Variants in TAF3 observed in about 807,000 individuals in gnomAD.
The protein encoded by TAF3 is TATA-box binding protein associated factor 3, also known as transcription initiation factor TFIID subunit 3.
In TAF3, 7 loss-of-function variants were observed where a neutral mutation model predicts 80.6. The observed-to-expected ratio is 0.09, with a 90% confidence interval of 0.05 to 0.16. TAF3 has a LOEUF of 0.16. TAF3 is among the 10% of genes least tolerant of loss of function. The pLI, the probability that TAF3 is intolerant of heterozygous loss-of-function variation, is 1.00. For synonymous variants in TAF3, 444 were observed against 446.1 expected (o/e 1.00, Z 0.06); for missense variants, 921 against 1,140.2 (o/e 0.81, Z 2.77).
intron 5 of TAF3, among the ~76,000 whole-genome samples, chr10:8,011,041 A>G (rs1295868179): frequency 6.6e-6 from 1 of 152,166 alleles, no homozygotes; most frequent in African/African-American, 2.4e-5. Flanking sequence ...TTTGGATACT[A>G]TAGAATTAAA....
chr10:7,824,180 C>A, intron 1 of TAF3, 138 bp from the exon 2 acceptor site: 1 of 1,002,448 alleles, frequency 1.0e-6, no homozygotes, highest in Non-Finnish European at 1.4e-6. Flanking sequence ...TCTTTAAAAT[C>A]TATTAAATTC....
intron 2 of TAF3, among the ~76,000 whole-genome samples, chr10:7,950,079 A>G (rs1169560448): frequency 6.6e-6 from 1 of 152,166 alleles, no homozygotes; most frequent in Non-Finnish European, 1.5e-5. Context: ...ATTAGCCTGT[A>G]ATGGTGGTTT....
At chr10:7,905,917 G>A (rs961979121) in intron 2 of TAF3, among the ~76,000 whole-genome samples, 3 of 152,092 alleles carry the variant, frequency 2.0e-5, no homozygotes, top group South Asian at 4.1e-4. Flanking sequence ...TCTGCTTTAT[G>A]TATTTGTACT....
In TAF3 at chr10:7,964,183, C is replaced by T; in HGVS notation, c.673C>T (p.Pro225Ser). ...PLSSINTQKI[P>S]PMLSPVHVQD... is the part of the protein sequence containing the mutation. ...CAGCTCAATAAATACTCAAAAGATC[C>T]CACCAATGCTTTCTCCAGTCCATGT... The change falls in exon 3 of 7, where the codon CCA becomes TCA. Residue 225 changes from proline to serine, a missense_variant. Physicochemically the swap from Pro to Ser is moderately conservative, Grantham distance 74. Transcript: ENST00000344293. The surrounding 1 kb of genome is among the most constrained non-coding windows in gnomAD (Gnocchi z 4.1). 6.2e-7 allele frequency: 1 copy of T among 1,614,138 alleles called. No individual in the cohort carries two copies. Among genetic ancestry groups the T allele is most frequent in the Non-Finnish European group, 8.5e-7 (1 of 1,180,038 alleles).
At position 8,009,395 on chromosome 10, in the gene TAF3, T is replaced by G; in HGVS notation, c.2568+65T>G. ...TTCAGATCGAGACAAGTGTGTGCTC[T>G]GAATCACTATCGAATTTCAGACGCA... On this transcript the variant is annotated intron_variant, in intron 5 of 6. Coordinates refer to ENST00000344293, the MANE Select transcript of TAF3 (RefSeq NM_031923.4). This position sits in a 1 kb window ranked among gnomAD's most constrained non-coding sequence, Gnocchi z 4.1. The G allele has an allele frequency of 1.3e-6, 2 of 1,504,958 alleles. No homozygotes were observed. Among genetic ancestry groups the G allele is most frequent in the South Asian group, 1.2e-5 (1 of 81,724 alleles). 93.2% of individuals were successfully genotyped at this position (1,504,958 alleles called of 1,614,324 possible). A position where few individuals can be genotyped will look rare whatever the true frequency, so the allele number is the denominator to read the frequency against.
intron 2 of TAF3, among the ~76,000 whole-genome samples, chr10:7,904,879 C>T (rs529001326): frequency 6.6e-6 from 1 of 152,272 alleles, no homozygotes; most frequent in Non-Finnish European, 1.5e-5. Context: ...CTTTAGGCTG[C>T]ACACATGAAC....
At chr10:7,971,512 T>C (rs1260818147) in intron 3 of TAF3, among the ~76,000 whole-genome samples, 1 of 151,982 alleles carries the variant, frequency 6.6e-6, no homozygotes, top group African/African-American at 2.4e-5. Context: ...ATAAAAAACC[T>C]TGGACAGATT....
At chr10:7,867,207 C>T (rs1439799711) in intron 2 of TAF3, among the ~76,000 whole-genome samples, 4 of 151,788 alleles carry the variant, frequency 2.6e-5, no homozygotes, top group African/African-American at 7.3e-5. Flanking sequence ...TGCAGTGAGC[C>T]GAGATCATGT....
intron 1 of TAF3, among the ~76,000 whole-genome samples, chr10:7,819,298 C>G (rs959502142): frequency 6.6e-6 from 1 of 152,138 alleles, no homozygotes; most frequent in Non-Finnish European, 1.5e-5. Context: ...GTCTACCGGC[C>G]GTTTCTTACA....
At chr10:7,859,168 G>A (rs946932568) in intron 2 of TAF3, among the ~76,000 whole-genome samples, 1 of 152,030 alleles carries the variant, frequency 6.6e-6, no homozygotes, top group Non-Finnish European at 1.5e-5. Context: ...GGCTGAGGCA[G>A]GAGAATGGCG....
chr10:7,843,395 C>G (rs1564345621), intron 2 of TAF3, among the ~76,000 whole-genome samples: 1 of 152,112 alleles, frequency 6.6e-6, no homozygotes, highest in East Asian at 1.9e-4. Context: ...AGGCATGAGC[C>G]ACCGTTCCCA....
intron 4 of TAF3, among the ~76,000 whole-genome samples, chr10:7,987,580 T>C (rs998140381): frequency 6.6e-6 from 1 of 152,212 alleles, no homozygotes; most frequent in Non-Finnish European, 1.5e-5. Context: ...AATGTAAACA[T>C]TTAAAATGTT....
chr10:7,971,964 G>T (rs559412768), intron 3 of TAF3, among the ~76,000 whole-genome samples: 24 of 152,334 alleles, frequency 1.6e-4, no homozygotes, highest in African/African-American at 5.8e-4. Context: ...CTACAAAGGA[G>T]TCTTATATTG....
chr10:7,848,618 T>G (rs967359548), intron 2 of TAF3, among the ~76,000 whole-genome samples: 4 of 152,174 alleles, frequency 2.6e-5, no homozygotes, highest in African/African-American at 9.7e-5. Context: ...ATGGACTTAA[T>G]TTTGCATTTA....
intron 2 of TAF3, among the ~76,000 whole-genome samples, chr10:7,945,265 T>C (rs756029353): frequency 7.9e-5 from 12 of 152,290 alleles, no homozygotes; most frequent in Non-Finnish European, 1.5e-4. Context: ...TAGTGAGTTT[T>C]TGTTTGTGTG....
At chr10:7,947,300 C>T (rs572857230) in intron 2 of TAF3, among the ~76,000 whole-genome samples, 6 of 143,276 alleles carry the variant, frequency 4.2e-5, no homozygotes, top group South Asian at 2.3e-4. Flanking sequence ...CCGGATAGTG[C>T]GGTTAAGAGC....
intron 2 of TAF3, among the ~76,000 whole-genome samples, chr10:7,860,293 A>G (rs1237605243): frequency 4.6e-5 from 7 of 152,116 alleles, no homozygotes; most frequent in African/African-American, 9.6e-5. Context: ...AAAAGAAGAA[A>G]AAAAAAAAGA....
intron 2 of TAF3, among the ~76,000 whole-genome samples, chr10:7,865,710 A>C (rs1217642583): frequency 6.6e-6 from 1 of 152,192 alleles, no homozygotes; most frequent in Non-Finnish European, 1.5e-5. Context: ...TGAAGGAAAA[A>C]TAGAAAGTTG....
chr10:7,919,874 A>G (rs1025973476), intron 2 of TAF3, among the ~76,000 whole-genome samples: 6 of 152,136 alleles, frequency 3.9e-5, no homozygotes, highest in South Asian at 2.1e-4. Flanking sequence ...GTATGTACAT[A>G]GAAAAATATT....
Sources: gnomAD v4.1 joint callset for allele counts (sites outside exome capture counted in the v4.1 genomes callset) on GRCh38, gnomAD v4.1.1 for gene constraint, Gnocchi (gnomAD v3.1) non-coding constraint, MANE v1.5 for transcripts, NCBI Gene and HGNC (gene_info 2026-07-23, HGNC 2026-07-21) for gene names.